Variants in ATXN7L1 observed in about 807,000 individuals in gnomAD.
ATXN7L1 encodes ataxin 7 like 1.
In ATXN7L1, 15 loss-of-function variants were observed where a neutral mutation model predicts 70.8. That is an observed-to-expected ratio of 0.21 (90% CI 0.14 to 0.33). The LOEUF (loss-of-function observed/expected upper bound fraction) is 0.33, where lower values mean the gene tolerates loss of function less well. Ranked by LOEUF, ATXN7L1 falls within the 10% of genes least tolerant of loss-of-function variation. The pLI is 1.00. For synonymous variants in ATXN7L1, 440 were observed against 445.1 expected, an observed-to-expected ratio of 0.99 and a Z score of 0.14; for missense variants, 975 against 1,097.1, an observed-to-expected ratio of 0.89 and a Z score of 1.57.
At chr7:105,739,559 G>A (rs576380729) in intron 3 of ATXN7L1, among the ~76,000 whole-genome samples, 1 of 152,324 alleles carries the variant, frequency 6.6e-6, no homozygotes, top group South Asian at 2.1e-4. Flanking sequence ...AACTGGTGGA[G>A]TGAAAAGATG....
intron 2 of ATXN7L1, among the ~76,000 whole-genome samples, chr7:105,873,132 C>T (rs547399448): frequency 8.0e-5 from 12 of 150,806 alleles, no homozygotes; most frequent in Non-Finnish European, 1.0e-4. Flanking sequence ...CCAGCCTGGG[C>T]GGCAGAGCAA....
At chr7:105,693,919 T>C (rs1428777811) in intron 3 of ATXN7L1, among the ~76,000 whole-genome samples, 2 of 152,056 alleles carry the variant, frequency 1.3e-5, no homozygotes, top group Non-Finnish European at 2.9e-5. Flanking sequence ...CAAAGGCAAC[T>C]TAGCACATCC....
intron 3 of ATXN7L1, among the ~76,000 whole-genome samples, chr7:105,738,563 G>A (rs754783051): frequency 1.3e-5 from 2 of 152,204 alleles, no homozygotes; most frequent in Non-Finnish European, 2.9e-5. Context: ...AAAGAATCCT[G>A]TGAATTATGT....
chr7:105,733,061 T>C (rs1282045627), intron 3 of ATXN7L1, among the ~76,000 whole-genome samples: 1 of 152,206 alleles, frequency 6.6e-6, no homozygotes, highest in Non-Finnish European at 1.5e-5. Context: ...ACTAACATAT[T>C]GTCTATTTAG....
At chr7:105,756,166 T>A (rs1193481075) in intron 3 of ATXN7L1, among the ~76,000 whole-genome samples, 1 of 152,194 alleles carries the variant, frequency 6.6e-6, no homozygotes, top group Non-Finnish European at 1.5e-5. Context: ...TGCTGTCCAA[T>A]CTGCAGTTTC....
chr7:105,774,363 T>TG (rs1455392450), intron 3 of ATXN7L1, among the ~76,000 whole-genome samples: 1 of 150,930 alleles, frequency 6.6e-6, no homozygotes, highest in African/African-American at 2.4e-5. Context: ...CTTTTTTTTT[T>TG]TTTTTTGAGA....
intron 2 of ATXN7L1, among the ~76,000 whole-genome samples, chr7:105,832,938 CT>C (rs1305394400): frequency 6.6e-6 from 1 of 152,214 alleles, no homozygotes; most frequent in East Asian, 1.9e-4. Context: ...ACAAGCCTCC[CT>C]TTCTGACTTC....
chr7:105,708,101 A>G (rs1793406596), intron 3 of ATXN7L1, among the ~76,000 whole-genome samples: 1 of 152,168 alleles, frequency 6.6e-6, no homozygotes, highest in African/African-American at 2.4e-5. Context: ...ATCTAAGAGG[A>G]AGGACGTGCT....
chr7:105,616,536 A>C (rs1337567714), intron 9 of ATXN7L1, among the ~76,000 whole-genome samples: 6 of 152,322 alleles, frequency 3.9e-5, no homozygotes, highest in African/African-American at 1.2e-4. Context: ...CTCAAGCCTA[A>C]AGAAGGTAAG....
chr7:105,826,944 G>A (rs1047582384), intron 2 of ATXN7L1, among the ~76,000 whole-genome samples: 5 of 152,158 alleles, frequency 3.3e-5, no homozygotes, highest in Non-Finnish European at 7.4e-5. Flanking sequence ...GAGCTGATAC[G>A]GTTTGCCATC....
At chr7:105,778,786 C>T (rs1645449581) in intron 3 of ATXN7L1, among the ~76,000 whole-genome samples, 1 of 152,190 alleles carries the variant, frequency 6.6e-6, no homozygotes, top group Admixed American at 6.5e-5. Context: ...GTACCCACTC[C>T]ATCTCTTCTA....
chr7:105,864,926 T>C (rs541523093), intron 2 of ATXN7L1, among the ~76,000 whole-genome samples: 1 of 152,230 alleles, frequency 6.6e-6, no homozygotes, highest in Admixed American at 6.5e-5. Flanking sequence ...TGAGCCACAG[T>C]GCCCAGCCCC....
chr7:105,792,543 C>T (rs983013273), intron 2 of ATXN7L1, among the ~76,000 whole-genome samples: 3 of 152,202 alleles, frequency 2.0e-5, no homozygotes, highest in Non-Finnish European at 2.9e-5. Context: ...ATGCTAGGCA[C>T]TCTGCTAATT....
chr7:105,749,923 C>G (rs920533688), intron 3 of ATXN7L1, among the ~76,000 whole-genome samples: 1 of 151,930 alleles, frequency 6.6e-6, no homozygotes, highest in East Asian at 1.9e-4. Flanking sequence ...TGGGCACTTA[C>G]TGCCTAAAAA....
At chr7:105,766,031 ACTGT>A (rs948484496) in intron 3 of ATXN7L1, among the ~76,000 whole-genome samples, 9 of 151,996 alleles carry the variant, frequency 5.9e-5, no homozygotes, top group Admixed American at 2.6e-4. Context: ...AGAAATCAAA[ACTGT>A]CTGGCTAGAC....
chr7:105,641,651 CTG>C (rs1454883510), intron 5 of ATXN7L1, among the ~76,000 whole-genome samples: 1 of 152,260 alleles, frequency 6.6e-6, no homozygotes, highest in Non-Finnish European at 1.5e-5. Context: ...GCCACCACCT[CTG>C]AAGAGTGAAA....
intron 2 of ATXN7L1, among the ~76,000 whole-genome samples, chr7:105,868,387 C>G (rs1817785061): frequency 6.6e-6 from 1 of 152,128 alleles, no homozygotes; most frequent in Non-Finnish European, 1.5e-5. Context: ...CAGGAGAGCT[C>G]CCTCCAGGTC....
chr7:105,754,149 G>C (rs1425166957), intron 3 of ATXN7L1, among the ~76,000 whole-genome samples: 1 of 152,180 alleles, frequency 6.6e-6, no homozygotes, highest in African/African-American at 2.4e-5. Context: ...GACGTCTCAA[G>C]AACTCTATAC....
intron 2 of ATXN7L1, among the ~76,000 whole-genome samples, chr7:105,865,605 G>T (rs1387060808): frequency 6.6e-6 from 1 of 152,022 alleles, no homozygotes; most frequent in Non-Finnish European, 1.5e-5. Flanking sequence ...GTTTCACCGT[G>T]TTAGCCAGGA....
Sources: gnomAD v4.1 joint callset for allele counts (sites outside exome capture counted in the v4.1 genomes callset) on GRCh38, gnomAD v4.1.1 for gene constraint, MANE v1.5 for transcripts, NCBI Gene and HGNC (gene_info 2026-07-23, HGNC 2026-07-21) for gene names.